FRMD4B: variants seen among roughly 807,000 people sequenced by gnomAD.
FRMD4B encodes the protein FERM domain-containing protein 4B.
A neutral mutation model predicts 141.5 loss-of-function variants in FRMD4B; 74 were observed. The observed-to-expected ratio is 0.52, with a 90% CI of 0.43 to 0.63. The LOEUF is 0.63. FRMD4B is among the 30% of genes least tolerant of loss of function. The probability of loss-of-function intolerance (pLI) is 0.00; values close to 1 mark genes in which losing one functional copy is unlikely to be tolerated. For synonymous variants in FRMD4B, 506 were observed against 467.9 expected (o/e 1.08, Z -1.05); for missense variants, 1,366 against 1,253.4 (o/e 1.09, Z -1.36).
chr3:69,453,163 A>G (rs1705526969), intron 1 of FRMD4B, among the ~76,000 whole-genome samples: 1 of 152,152 alleles, frequency 6.6e-6, no homozygotes, highest in African/African-American at 2.4e-5. Flanking sequence ...TAGGGAAGAG[A>G]TGAAGAGATG....
At chr3:69,528,385 GAC>G (rs200364976) in intron 1 of FRMD4B, among the ~76,000 whole-genome samples, 1,696 of 145,060 alleles carry the variant, frequency 0.012, 36 homozygotes, top group African/African-American at 0.041. Flanking sequence ...CTTTTTTTGA[GAC>G]ACAGTGTCAC....
chr3:69,410,706 TATAAATAA>T lies in FRMD4B; in HGVS notation c.-1+21920_-1+21927del, dbSNP rs1219342263. Among the ~76,000 whole-genome samples, 384 of 114,310 alleles carry T rather than the reference TATAAATAA, an allele frequency of 3.4e-3. 4 individuals carry two copies. The highest frequency in any genetic ancestry group is 9.3e-3 in the African/African-American group (272 of 29,262). 75.0% of individuals were successfully genotyped at this position (114,310 alleles called of 152,430 possible). A position where few individuals can be genotyped will look rare whatever the true frequency, so the allele number is the denominator to read the frequency against. Reference sequence around the variant, plus strand: ...ATGGAACAAGGGAAAAAAAGAAATATATAAATAAATAAATAAATAAATATATATATATA... The same window carrying T: ...ATGGAACAAGGGAAAAAAAGAAATATATAAATAAATAAATATATATATATA... On this transcript the variant is annotated intron_variant, in intron 2 of 5. Coordinates refer to the FRMD4B transcript ENST00000459638.
chr3:69,385,204 G>T (rs1704218935), intron 1 of FRMD4B, among the ~76,000 whole-genome samples: 1 of 152,052 alleles, frequency 6.6e-6, no homozygotes, highest in African/African-American at 2.4e-5. Flanking sequence ...TGTGTGACAG[G>T]GAGTAAATCC....
chr3:69,302,367 G>T lies in FRMD4B; in HGVS notation c.392C>A (p.Pro131Gln), dbSNP rs376570644. Residue 131 changes from proline to glutamine, a missense_variant, in exon 4 of 23, where the codon CCA becomes CAA. Pro to Gln is a moderately conservative substitution (Grantham distance 76). Coordinates refer to ENST00000398540, the MANE Select transcript of FRMD4B (RefSeq NM_015123.3). ...CCTCACAGCAAAGTGCAAAATGGTT[G>T]GGCCTGGTTTCTTGGGCAAATCGTG... ...LDHDLPKKPG[P>Q]TILHFAVRFY... is the part of the protein sequence containing the mutation. 5.6e-6 allele frequency: 9 copies of T among 1,605,090 alleles called. No homozygotes were observed. Among genetic ancestry groups the T allele is most frequent in the Non-Finnish European group, 6.8e-6 (8 of 1,173,170 alleles).
chr3:69,487,275 T>A (rs1706229787), intron 1 of FRMD4B, among the ~76,000 whole-genome samples: 1 of 152,214 alleles, frequency 6.6e-6, no homozygotes, highest in Non-Finnish European at 1.5e-5. Context: ...AAAACTAACT[T>A]TAAATCTTCA....
intron 1 of FRMD4B, among the ~76,000 whole-genome samples, chr3:69,369,942 A>G (rs1703778519): frequency 6.6e-6 from 1 of 152,192 alleles, no homozygotes; most frequent in Admixed American, 6.5e-5. Context: ...GATGGTGCTA[A>G]TTAGACATAA....
At chr3:69,428,093 G>T (rs1419908162) in intron 2 of FRMD4B, among the ~76,000 whole-genome samples, 4 of 152,026 alleles carry the variant, frequency 2.6e-5, no homozygotes, top group Non-Finnish European at 4.4e-5. Flanking sequence ...TTGTAACTAT[G>T]CAGTAGAAAT....
chr3:69,482,359 C>T (rs1020035100), intron 1 of FRMD4B, among the ~76,000 whole-genome samples: 3 of 152,054 alleles, frequency 2.0e-5, no homozygotes, highest in African/African-American at 7.2e-5. Flanking sequence ...GAATTACGAG[C>T]CATGCCCTGG....
At chr3:69,247,958 A>G (rs1402599448) in intron 7 of FRMD4B, among the ~76,000 whole-genome samples, 1 of 151,770 alleles carries the variant, frequency 6.6e-6, no homozygotes. Flanking sequence ...CACCCAGCTA[A>G]TTTTTATATT....
At position 69,180,914 on chromosome 3, in the gene FRMD4B, A is replaced by T; in HGVS notation, c.2836T>A (p.Ser946Thr). ...GTATTCTCACCTGAAGAGTACGAGG[A>T]TGCACGACTGCTTGGAGAACAAGGT... ...QVPCSPSSRASSYSSVSSTNA... is the reference protein window; with the variant it reads ...QVPCSPSSRATSYSSVSSTNA... The change falls in exon 21 of 23, where the codon TCC becomes ACC. Residue 946 changes from serine to threonine, a missense_variant. By Grantham distance (58) the Ser-to-Thr change is moderately conservative. Coordinates refer to ENST00000398540, the MANE Select transcript of FRMD4B (RefSeq NM_015123.3). The T allele has an allele frequency of 6.2e-7, 1 of 1,606,540 alleles. No homozygotes were observed. Among genetic ancestry groups the T allele is most frequent in the South Asian group, 1.1e-5 (1 of 90,674 alleles).
At chr3:69,400,826 A>G (rs563046130) in intron 2 of FRMD4B, among the ~76,000 whole-genome samples, 1 of 152,350 alleles carries the variant, frequency 6.6e-6, no homozygotes, top group East Asian at 1.9e-4. Context: ...TGGGGCATTC[A>G]GAAACTAGCT....
intron 11 of FRMD4B, chr3:69,200,925 G>C (rs919793034): frequency 3.3e-5 from 15 of 450,626 alleles, no homozygotes; most frequent in African/African-American, 2.2e-4. Context: ...CATGATCTCT[G>C]AAAGTCACCA....
chr3:69,212,214 G>T (rs932019849), intron 11 of FRMD4B, among the ~76,000 whole-genome samples: 2 of 151,334 alleles, frequency 1.3e-5, no homozygotes, highest in African/African-American at 4.8e-5. Flanking sequence ...ACAAAAATTA[G>T]CCAGGCATGG....
intron 5 of FRMD4B, among the ~76,000 whole-genome samples, chr3:69,274,533 T>G (rs1188984651): frequency 2.0e-5 from 3 of 152,160 alleles, no homozygotes; most frequent in Non-Finnish European, 2.9e-5. Context: ...ATTTTTATTT[T>G]TTTGAGATGG....
At chr3:69,220,406 T>A (rs1307774210) in intron 9 of FRMD4B, among the ~76,000 whole-genome samples, 1 of 152,228 alleles carries the variant, frequency 6.6e-6, no homozygotes, top group Non-Finnish European at 1.5e-5. Flanking sequence ...CTCACTAGTT[T>A]ACCTTAATAC....
intron 19 of FRMD4B, among the ~76,000 whole-genome samples, chr3:69,183,133 C>T (rs2092726587): frequency 6.6e-6 from 1 of 152,088 alleles, no homozygotes; most frequent in East Asian, 1.9e-4. Context: ...GCTTTGTGGG[C>T]CAGATGGTCT....
At chr3:69,447,524 A>G (rs569543818) in intron 1 of FRMD4B, among the ~76,000 whole-genome samples, 1 of 152,328 alleles carries the variant, frequency 6.6e-6, no homozygotes, top group African/African-American at 2.4e-5. Flanking sequence ...CTCTTTACCC[A>G]CCACCACAAT....
intron 1 of FRMD4B, chr3:69,472,614 A>G (rs1498836): frequency 0.62 from 101,523 of 162,636 alleles, 33,090 homozygotes; most frequent in African/African-American, 0.82. Context: ...CTCATAGCCA[A>G]TAGCCGGAGA....
chr3:69,320,924 G>C (rs941920694), intron 1 of FRMD4B: 3 of 152,150 alleles, frequency 2.0e-5, no homozygotes, highest in Non-Finnish European at 4.4e-5. Context: ...TCCCCAGCTG[G>C]TAAGAGTCAG....
Sources: gnomAD v4.1 joint callset for allele counts (sites outside exome capture counted in the v4.1 genomes callset) on GRCh38, gnomAD v4.1.1 for gene constraint, MANE v1.5 for transcripts, NCBI Gene and HGNC (gene_info 2026-07-23, HGNC 2026-07-21) for gene names.